The following ENOX2 variants were observed in gnomAD, a reference collection of about 807,000 sequenced individuals.
The protein encoded by ENOX2 is ecto-NOX disulfide-thiol exchanger 2, also known as APK1 antigen.
Under a neutral mutation model 45.0 loss-of-function variants are expected in ENOX2, and 36 were observed. The observed-to-expected ratio is 0.80, with a 90% CI of 0.61 to 1.06. The LOEUF (loss-of-function observed/expected upper bound fraction) is 1.06. ENOX2 is among the 50% of genes least tolerant of loss of function. The pLI is 0.00. For synonymous variants in ENOX2, 174 were observed against 152.3 expected, an observed-to-expected ratio of 1.14 and a Z score of -1.05; for missense variants, 423 against 462.5, an observed-to-expected ratio of 0.91 and a Z score of 0.78.
chrX:130,632,362 G>GGT lies in ENOX2; in HGVS notation c.1420-787_1420-786insAC, dbSNP rs1434717895. 6.8e-4 allele frequency among the ~76,000 whole-genome samples: 15 copies of GGT among 22,095 alleles called. 1 individual carries two copies. Among genetic ancestry groups the GGT allele is most frequent in the Non-Finnish European group, 1.1e-3 (8 of 6,984 alleles). The allele number at this position is 22,095 out of a possible 115,157, so 19.2% of individuals were successfully genotyped here. On this transcript the variant is annotated intron_variant, in intron 12 of 14. Transcript: ENST00000394363. ...TCTCTTTCAGAATGTAGCAGGAAGG[G>GGT]GCGGGGGGGGGGGGTGGTCCTAAGA...
intron 10 of ENOX2, among the ~76,000 whole-genome samples, chrX:130,650,803 G>A (rs1170619587): frequency 1.8e-5 from 2 of 111,517 alleles, no homozygotes; most frequent in African/African-American, 6.5e-5. Context: ...CTTTTTAGCG[G>A]AGCCACTAAC....
chrX:130,849,464 C>T (rs964909793), intron 2 of ENOX2, among the ~76,000 whole-genome samples: 10 of 112,240 alleles, frequency 8.9e-5, no homozygotes, highest in Non-Finnish European at 1.5e-4. Flanking sequence ...ATAACCACCA[C>T]CATACAACCA....
At chrX:130,895,380 C>T (rs2148595437) in intron 2 of ENOX2, among the ~76,000 whole-genome samples, 2 of 111,701 alleles carry the variant, frequency 1.8e-5, no homozygotes, top group East Asian at 5.6e-4. Flanking sequence ...CAGTTTCTAT[C>T]CCAGGAAACT....
intron 2 of ENOX2, among the ~76,000 whole-genome samples, chrX:130,843,052 G>A (rs150558752): frequency 2.7e-5 from 3 of 111,379 alleles, no homozygotes; most frequent in East Asian, 2.8e-4. Flanking sequence ...AGGTGGCCCC[G>A]CAACTTCAAA....
intron 3 of ENOX2, among the ~76,000 whole-genome samples, chrX:130,765,099 C>A (rs935046118): frequency 9.0e-6 from 1 of 111,265 alleles, no homozygotes; most frequent in African/African-American, 3.3e-5. Flanking sequence ...GGGCTACATA[C>A]TTTATGAATT....
intron 2 of ENOX2, among the ~76,000 whole-genome samples, chrX:130,833,152 T>C (rs2077867708): frequency 9.0e-6 from 1 of 110,903 alleles, no homozygotes; most frequent in Non-Finnish European, 1.9e-5. Context: ...CTTTACATGT[T>C]GATTTGGAGT....
At chrX:130,714,145 T>G (rs983488056) in intron 3 of ENOX2, among the ~76,000 whole-genome samples, 7 of 111,990 alleles carry the variant, frequency 6.3e-5, no homozygotes, top group Admixed American at 1.9e-4. Context: ...GTCCTGGGGC[T>G]AATCCACAAG....
At chrX:130,853,478 A>G (rs1304368624) in intron 2 of ENOX2, among the ~76,000 whole-genome samples, 5 of 107,863 alleles carry the variant, frequency 4.6e-5, no homozygotes, top group African/African-American at 1.7e-4. Context: ...AAAAAAAAAA[A>G]AAAAAAAAGA....
At chrX:130,691,251 A>C (rs1423824962) in intron 4 of ENOX2, among the ~76,000 whole-genome samples, 2 of 111,978 alleles carry the variant, frequency 1.8e-5, no homozygotes, top group Non-Finnish European at 3.8e-5. Context: ...TTTAGCTCAA[A>C]GGACGAAAGC....
intron 2 of ENOX2, among the ~76,000 whole-genome samples, chrX:130,890,151 AT>A (rs376574979): frequency 3.5e-3 from 385 of 109,157 alleles, no homozygotes; most frequent in African/African-American, 0.011. Context: ...AGGAAAGATG[AT>A]TTTTTTTTTG....
At chrX:130,786,039 T>G (rs919923045) in intron 2 of ENOX2, among the ~76,000 whole-genome samples, 2 of 112,892 alleles carry the variant, frequency 1.8e-5, no homozygotes, top group African/African-American at 6.4e-5. Flanking sequence ...CCCTATAAAC[T>G]TGAAAGCTCT....
At chrX:130,648,251 C>T (rs768846977) in intron 10 of ENOX2, among the ~76,000 whole-genome samples, 3 of 110,000 alleles carry the variant, frequency 2.7e-5, no homozygotes, top group African/African-American at 6.6e-5. Context: ...ACCAGCCTGA[C>T]CAACATAGAG....
At chrX:130,632,140 C>G (rs1032542104) in intron 12 of ENOX2, among the ~76,000 whole-genome samples, 7 of 111,100 alleles carry the variant, frequency 6.3e-5, no homozygotes, top group African/African-American at 9.8e-5. Flanking sequence ...GGTTTTTGAA[C>G]TAAAAATTAG....
chrX:130,807,228 T>C (rs2077317976), intron 2 of ENOX2, among the ~76,000 whole-genome samples: 1 of 112,224 alleles, frequency 8.9e-6, no homozygotes, highest in Non-Finnish European at 1.9e-5. Flanking sequence ...CCAGCTGTTA[T>C]AAAGTTTGGA....
At chrX:130,863,549 T>C (rs1391606856) in intron 2 of ENOX2, among the ~76,000 whole-genome samples, 1 of 112,493 alleles carries the variant, frequency 8.9e-6, no homozygotes, top group Non-Finnish European at 1.9e-5. Flanking sequence ...ATATGGTTTA[T>C]GAATCTAAAT....
chrX:130,738,115 C>G (rs2038902743), intron 3 of ENOX2, among the ~76,000 whole-genome samples: 1 of 112,276 alleles, frequency 8.9e-6, no homozygotes, highest in African/African-American at 3.2e-5. Context: ...TGCCATCCAG[C>G]TGTTCACAAA....
intron 10 of ENOX2, among the ~76,000 whole-genome samples, chrX:130,647,694 T>C (rs1312738958): frequency 1.8e-5 from 2 of 112,277 alleles, no homozygotes; most frequent in Non-Finnish European, 3.8e-5. Context: ...AGGTCTTTTT[T>C]ATTTATTTTT....
At chrX:130,763,063 T>C (rs2039530478) in intron 3 of ENOX2, among the ~76,000 whole-genome samples, 1 of 112,572 alleles carries the variant, frequency 8.9e-6, no homozygotes. Flanking sequence ...CTTTTATCAC[T>C]ATATAATCTT....
chrX:130,632,425 A>ACT, intron 12 of ENOX2, among the ~76,000 whole-genome samples: 1 of 104,296 alleles, frequency 9.6e-6, no homozygotes, highest in African/African-American at 3.5e-5. Flanking sequence ...AGTCAAACTG[A>ACT]AAAATACCTC....
Sources: gnomAD v4.1 joint callset for allele counts (sites outside exome capture counted in the v4.1 genomes callset) on GRCh38, gnomAD v4.1.1 for gene constraint, MANE v1.5 for transcripts, NCBI Gene and HGNC (gene_info 2026-07-23, HGNC 2026-07-21) for gene names.